Variants in GRM7 observed in about 807,000 individuals in gnomAD.
GRM7 encodes glutamate metabotropic receptor 7.
A neutral mutation model predicts 84.5 loss-of-function variants in GRM7; 35 were observed. The ratio of observed to expected loss-of-function variants is 0.41; its 90% CI spans 0.32 to 0.55. The LOEUF (loss-of-function observed/expected upper bound fraction) is 0.55. Among genes scored for constraint, GRM7 ranks in the 20% least tolerant of loss-of-function variants. The pLI, the probability that GRM7 is intolerant of heterozygous loss-of-function variation, is 0.19. For missense variants in GRM7, 1,003 were observed against 1,194.6 expected (o/e 0.84, Z 2.36); for synonymous variants, 487 against 455.1 (o/e 1.07, Z -0.89).
At chr3:7,478,433 G>C (rs916337962) in intron 7 of GRM7, among the ~76,000 whole-genome samples, 1 of 152,134 alleles carries the variant, frequency 6.6e-6, no homozygotes, top group Admixed American at 6.5e-5. Flanking sequence ...GCTGAGAGAC[G>C]ACTGGAACAT....
chr3:7,312,213 C>T (rs1368136310), intron 4 of GRM7, among the ~76,000 whole-genome samples: 1 of 152,066 alleles, frequency 6.6e-6, no homozygotes, highest in African/African-American at 2.4e-5. Flanking sequence ...ATGCCCTGTC[C>T]CTTACTTTGC....
At chr3:7,700,090 A>G (rs1006415254) in intron 9 of GRM7, among the ~76,000 whole-genome samples, 1 of 152,230 alleles carries the variant, frequency 6.6e-6, no homozygotes, top group African/African-American at 2.4e-5. Context: ...ACTAGCATTT[A>G]GCAGAATCAT....
At chr3:7,350,968 C>A (rs116198544) in intron 4 of GRM7, among the ~76,000 whole-genome samples, 2 of 152,018 alleles carry the variant, frequency 1.3e-5, no homozygotes, top group African/African-American at 4.8e-5. Context: ...AGTAAATCTC[C>A]TTTCATCATT....
Position 7,680,294 on chromosome 3 carries a change from C to G in GRM7, c.2697C>G (p.Asn899Lys). ...AGCTCTGTGAAAACGTAGACCCAAA[C>G]AGTAAGTAACTCTCCGTTTCTTTCA... ...KTELCENVDPNSPAAKKKYVS... is the reference protein window; with the variant it reads ...KTELCENVDPKSPAAKKKYVS... The change falls in exon 9 of 10, where the codon AAC becomes AAG. Residue 899 changes from asparagine to lysine, a missense_variant and splice_region_variant. Physicochemically the swap from Asn to Lys is moderately conservative, Grantham distance 94. Coordinates refer to ENST00000357716, the MANE Select transcript of GRM7 (RefSeq NM_000844.4). The G allele has an allele frequency of 2.5e-6, 4 of 1,613,804 alleles. No individual in the cohort carries two copies. Among genetic ancestry groups the G allele is most frequent in the Non-Finnish European group, 3.4e-6 (4 of 1,179,710 alleles).
chr3:6,936,031 C>G (rs1471117471), intron 1 of GRM7, among the ~76,000 whole-genome samples: 1 of 151,376 alleles, frequency 6.6e-6, no homozygotes, highest in Non-Finnish European at 1.5e-5. Context: ...TTCTAATGTG[C>G]TTGCTTGGAA....
At chr3:6,887,342 T>C (rs1695735789) in intron 1 of GRM7, among the ~76,000 whole-genome samples, 1 of 152,074 alleles carries the variant, frequency 6.6e-6, no homozygotes, top group Admixed American at 6.5e-5. Flanking sequence ...AACTTGTCAT[T>C]TAGCATTAGG....
chr3:7,134,609 A>C (rs763926238), intron 1 of GRM7, among the ~76,000 whole-genome samples: 7 of 152,146 alleles, frequency 4.6e-5, no homozygotes, highest in Non-Finnish European at 1.0e-4. Flanking sequence ...AGCTAAAAGG[A>C]TCCTGTGTTC....
At chr3:7,331,478 G>A (rs533362094) in intron 4 of GRM7, among the ~76,000 whole-genome samples, 22 of 152,256 alleles carry the variant, frequency 1.4e-4, no homozygotes, top group East Asian at 3.9e-4. Flanking sequence ...GACATACCAC[G>A]GCTCAAATTA....
At chr3:7,552,851 T>C (rs191616530) in intron 7 of GRM7, among the ~76,000 whole-genome samples, 105 of 152,322 alleles carry the variant, frequency 6.9e-4, no homozygotes, top group Middle Eastern at 3.4e-3. Context: ...CTGGAAACAT[T>C]TTCCACATTG....
At chr3:6,982,919 A>G (rs1694262274) in intron 1 of GRM7, among the ~76,000 whole-genome samples, 1 of 152,220 alleles carries the variant, frequency 6.6e-6, no homozygotes, top group Non-Finnish European at 1.5e-5. Context: ...TTTGGATATC[A>G]CAAATGCAGC....
chr3:7,038,736 A>G (rs1254633723), intron 1 of GRM7, among the ~76,000 whole-genome samples: 4 of 152,176 alleles, frequency 2.6e-5, no homozygotes, highest in Non-Finnish European at 5.9e-5. Context: ...AGAGGTTGAT[A>G]CAATTATCAT....
At chr3:7,120,386 A>G (rs1693177498) in intron 1 of GRM7, among the ~76,000 whole-genome samples, 1 of 152,032 alleles carries the variant, frequency 6.6e-6, no homozygotes, top group Non-Finnish European at 1.5e-5. Flanking sequence ...TGGGGTACCC[A>G]CTCTCTATCA....
At chr3:7,246,960 G>A (rs946594097) in intron 2 of GRM7, among the ~76,000 whole-genome samples, 3 of 152,016 alleles carry the variant, frequency 2.0e-5, no homozygotes, top group South Asian at 2.1e-4. Flanking sequence ...TCGGCATAAC[G>A]ATGAGAAAAA....
At chr3:7,568,110 C>T (rs575824885) in intron 7 of GRM7, among the ~76,000 whole-genome samples, 2 of 152,260 alleles carry the variant, frequency 1.3e-5, no homozygotes, top group Non-Finnish European at 2.9e-5. Flanking sequence ...TTGCTGGTGG[C>T]AGGGCTAGCT....
intron 8 of GRM7, among the ~76,000 whole-genome samples, chr3:7,587,512 G>A (rs1478216011): frequency 8.5e-4 from 130 of 152,184 alleles, no homozygotes; most frequent in Non-Finnish European, 1.8e-4. Context: ...GACTATAAGA[G>A]CTGACACTGG....
chr3:7,352,460 A>G (rs1386894637), intron 4 of GRM7, among the ~76,000 whole-genome samples: 2 of 152,120 alleles, frequency 1.3e-5, no homozygotes, highest in East Asian at 1.9e-4. Context: ...ATGCACATAC[A>G]TAGCCTAAAT....
intron 1 of GRM7, among the ~76,000 whole-genome samples, chr3:6,968,207 C>T (rs1221348898): frequency 6.6e-6 from 1 of 152,126 alleles, no homozygotes; most frequent in Non-Finnish European, 1.5e-5. Flanking sequence ...GATAGTCTCT[C>T]GGATTCCTCG....
At chr3:7,526,703 T>C (rs1575453419) in intron 7 of GRM7, among the ~76,000 whole-genome samples, 1 of 151,744 alleles carries the variant, frequency 6.6e-6, no homozygotes, top group South Asian at 2.1e-4. Flanking sequence ...AATTTTTGTA[T>C]GTGGTGAGAG....
rs1339857478 is a variant in GRM7, at chr3:7,040,785, A to G, written c.520-105667A>G. Among the ~76,000 whole-genome samples, 5 of 152,142 alleles carry G rather than the reference A, an allele frequency of 3.3e-5. No individual in the cohort carries two copies. The South Asian group carries it at 8.3e-4, about 25-fold the overall frequency. ...GTTCCTGACTCAGAATATTCATTTTAAAAATGATGAGGTCAGGCCAGGTGC... is the reference window on the plus strand; with the variant it reads ...GTTCCTGACTCAGAATATTCATTTTGAAAATGATGAGGTCAGGCCAGGTGC... On this transcript the variant is annotated intron_variant, in intron 1 of 9. Coordinates refer to ENST00000357716, the MANE Select transcript of GRM7 (RefSeq NM_000844.4).
Sources: allele counts gnomAD v4.1 joint callset (sites outside exome capture counted in the v4.1 genomes callset), GRCh38; gene constraint gnomAD v4.1.1; transcripts MANE v1.5; gene names NCBI Gene and HGNC (gene_info 2026-07-23, HGNC 2026-07-21).